HDAC9: variants seen among roughly 807,000 people sequenced by gnomAD.
The protein encoded by HDAC9 is MEF-2 interacting transcription repressor (MITR) protein.
HDAC9 carries 41 observed loss-of-function variants against 139.4 expected under a neutral mutation model. The ratio of observed to expected loss-of-function variants is 0.29; its 90% CI spans 0.23 to 0.38. The LOEUF is 0.38. HDAC9 is among the 10% of genes least tolerant of loss of function. HDAC9 has a pLI of 1.00. For synonymous variants in HDAC9, 517 were observed against 476.2 expected, an observed-to-expected ratio of 1.09 and a Z score of -1.12; for missense variants, 1,147 against 1,297.0, an observed-to-expected ratio of 0.88 and a Z score of 1.78.
chr7:18,582,287 A>C (rs1311513870), intron 2 of HDAC9, among the ~76,000 whole-genome samples: 1 of 152,192 alleles, frequency 6.6e-6, no homozygotes, highest in Non-Finnish European at 1.5e-5. Flanking sequence ...TAAAGGGAGA[A>C]TCATTCATAT....
At chr7:18,823,829 A>G (rs1370761235) in intron 17 of HDAC9, among the ~76,000 whole-genome samples, 2 of 151,708 alleles carry the variant, frequency 1.3e-5, no homozygotes, top group Non-Finnish European at 2.9e-5. Flanking sequence ...AAATACCAAA[A>G]TTAGCCAGGT....
intron 1 of HDAC9, among the ~76,000 whole-genome samples, chr7:18,108,990 CCT>C (rs1178904340): frequency 6.6e-6 from 1 of 152,072 alleles, no homozygotes; most frequent in Non-Finnish European, 1.5e-5. Flanking sequence ...GTGAATTTGG[CCT>C]CTCTGCGAAA....
At chr7:18,439,795 C>A (rs2128090698) in intron 1 of HDAC9, among the ~76,000 whole-genome samples, 1 of 152,244 alleles carries the variant, frequency 6.6e-6, no homozygotes, top group East Asian at 1.9e-4. Context: ...CATACACACA[C>A]AAAACACATT....
intron 1 of HDAC9, among the ~76,000 whole-genome samples, chr7:18,386,074 C>A (rs1218534469): frequency 6.6e-6 from 1 of 151,988 alleles, no homozygotes; most frequent in Non-Finnish European, 1.5e-5. Flanking sequence ...TTTTGATTTC[C>A]TGATATATCT....
At chr7:18,878,838 G>T (rs527642133) in intron 22 of HDAC9, among the ~76,000 whole-genome samples, 21 of 151,442 alleles carry the variant, frequency 1.4e-4, no homozygotes, top group Non-Finnish European at 2.5e-4. Flanking sequence ...AGGAAATAAA[G>T]GGCATCCAAA....
At chr7:18,416,819 A>T (rs1789112512) in intron 1 of HDAC9, among the ~76,000 whole-genome samples, 1 of 152,158 alleles carries the variant, frequency 6.6e-6, no homozygotes, top group Non-Finnish European at 1.5e-5. Flanking sequence ...ACTGTTTCCT[A>T]AGAAATACTA....
At chr7:18,720,776 C>A (rs1465922359) in intron 12 of HDAC9, among the ~76,000 whole-genome samples, 1 of 151,704 alleles carries the variant, frequency 6.6e-6, no homozygotes, top group Non-Finnish European at 1.5e-5. Context: ...CAGCCTGCTG[C>A]ATTCAAGTGA....
At chr7:18,883,161 C>G (rs1799856163) in intron 22 of HDAC9, among the ~76,000 whole-genome samples, 1 of 152,130 alleles carries the variant, frequency 6.6e-6, no homozygotes, top group Non-Finnish European at 1.5e-5. Context: ...ATGTTCTGCT[C>G]TTAACATTAT....
At chr7:18,738,584 G>C (rs1787144865) in intron 13 of HDAC9, among the ~76,000 whole-genome samples, 1 of 152,152 alleles carries the variant, frequency 6.6e-6, no homozygotes, top group Non-Finnish European at 1.5e-5. Flanking sequence ...GTTGAATATT[G>C]GCCTCCACTC....
chr7:18,162,356 C>A (rs755062498), intron 2 of HDAC9: 2 of 1,534,290 alleles, frequency 1.3e-6, no homozygotes, highest in Non-Finnish European at 1.7e-6. Context: ...CCTGGTCAGT[C>A]TGGTTGCTTC....
At chr7:18,398,312 C>A (rs1244924412) in intron 1 of HDAC9, among the ~76,000 whole-genome samples, 2 of 152,104 alleles carry the variant, frequency 1.3e-5, no homozygotes, top group African/African-American at 4.8e-5. Context: ...CCATATTTTT[C>A]TCAGATTTTA....
intron 2 of HDAC9, among the ~76,000 whole-genome samples, chr7:18,505,159 C>G (rs1371557565): frequency 2.6e-5 from 4 of 152,178 alleles, no homozygotes; most frequent in African/African-American, 4.8e-5. Context: ...AGCAGATGCT[C>G]TGGACAGAAG....
At chr7:18,243,383 T>G (rs1794316845) in intron 2 of HDAC9, among the ~76,000 whole-genome samples, 2 of 152,226 alleles carry the variant, frequency 1.3e-5, no homozygotes, top group Non-Finnish European at 2.9e-5. Flanking sequence ...GTTAGAATGA[T>G]CCATGTTTTG....
At chr7:18,660,735 A>G (rs75120807) in intron 11 of HDAC9, among the ~76,000 whole-genome samples, 7,835 of 152,208 alleles carry the variant, frequency 0.051, 606 homozygotes, top group African/African-American at 0.17. Flanking sequence ...GGGAGTAGAG[A>G]GAGCACGGCG....
At chr7:18,401,505 C>T (rs1787539119) in intron 1 of HDAC9, among the ~76,000 whole-genome samples, 1 of 152,128 alleles carries the variant, frequency 6.6e-6, no homozygotes, top group Admixed American at 6.5e-5. Flanking sequence ...CATAAAGTGG[C>T]AGAGCTAGGG....
At chr7:18,101,676 A>T (rs974570740) in intron 1 of HDAC9, among the ~76,000 whole-genome samples, 3 of 152,220 alleles carry the variant, frequency 2.0e-5, no homozygotes, top group Non-Finnish European at 2.9e-5. Context: ...AGCATATTTT[A>T]AAAAATCCAT....
At chr7:18,262,375 C>G (rs1295815131) in intron 2 of HDAC9, among the ~76,000 whole-genome samples, 1 of 152,166 alleles carries the variant, frequency 6.6e-6, no homozygotes, top group African/African-American at 2.4e-5. Context: ...AGCAAAAGTT[C>G]TATCTGTAGA....
chr7:18,666,379 T>C lies in HDAC9; in HGVS notation c.1634T>C (p.Val545Ala), dbSNP rs765164988. 3.7e-6 allele frequency: 6 copies of C among 1,612,954 alleles called. No individual in the cohort carries two copies. The highest frequency in any genetic ancestry group is 1.7e-5 in the Admixed American group (1 of 59,870). Reference sequence around the variant, plus strand: ...TGTGTGGATGACACACTGGGACAAGTTGGGGCTGTGAAGGTCAAGGAGGAA... The same window carrying C: ...TGTGTGGATGACACACTGGGACAAGCTGGGGCTGTGAAGGTCAAGGAGGAA... ...SACVDDTLGQ[V>A]GAVKVKEEPV... The change falls in exon 12 of 26, where the codon GTT becomes GCT. Residue 545 changes from valine (V) to alanine (A), a missense_variant. Around this residue, in one of 7 missense-constraint regions of HDAC9, gnomAD observed 256 missense variants for 219.2 expected, o/e 1.17. Coordinates refer to ENST00000686413, the MANE Select transcript of HDAC9 (RefSeq NM_178425.4).
intron 6 of HDAC9, among the ~76,000 whole-genome samples, chr7:18,603,575 G>T (rs536227055): frequency 6.6e-6 from 1 of 151,978 alleles, no homozygotes; most frequent in Non-Finnish European, 1.5e-5. Flanking sequence ...CCTTATAAAA[G>T]TGTATTTCTA....
Sources: gnomAD v4.1 joint callset for allele counts (sites outside exome capture counted in the v4.1 genomes callset) on GRCh38, gnomAD v4.1.1 for gene constraint, gnomAD v4.1.1 regional missense constraint, MANE v1.5 for transcripts, NCBI Gene and HGNC (gene_info 2026-07-23, HGNC 2026-07-21) for gene names.